The following ENAH variants were observed in gnomAD, a reference collection of about 807,000 sequenced individuals.
The protein encoded by ENAH is protein enabled homolog.
Under a neutral mutation model 78.7 loss-of-function variants are expected in ENAH, and 23 were observed. That is an observed-to-expected ratio of 0.29 (90% confidence interval 0.21 to 0.41). The LOEUF is 0.41. Among genes scored for constraint, ENAH ranks in the 10% least tolerant of loss-of-function variants. The pLI, the probability that ENAH is intolerant of heterozygous loss-of-function variation, is 1.00. For synonymous variants in ENAH, 226 were observed against 241.0 expected, an observed-to-expected ratio of 0.94 and a Z score of 0.58; for missense variants, 544 against 691.0, an observed-to-expected ratio of 0.79 and a Z score of 2.39.
chr1:225,592,630 T>C (rs2096882457), intron 1 of ENAH, among the ~76,000 whole-genome samples: 1 of 152,242 alleles, frequency 6.6e-6, no homozygotes, highest in African/African-American at 2.4e-5. Context: ...TATATTTTAG[T>C]ATTTGGATTA....
At chr1:225,561,612 T>A (rs925922628) in intron 2 of ENAH, among the ~76,000 whole-genome samples, 1 of 18,536 alleles carries the variant, frequency 5.4e-5, no homozygotes, top group East Asian at 2.6e-3. Context: ...CAGAGTGAGA[T>A]TCCGTCTTAA....
At chr1:225,581,340 T>TA in intron 1 of ENAH, 1 of 968,222 alleles carries the variant, frequency 1.0e-6, no homozygotes, top group Non-Finnish European at 1.2e-6. Flanking sequence ...ACCGTAGAGT[T>TA]AAAAATATCA....
At chr1:225,527,930 A>G (rs533312715) in intron 4 of ENAH, among the ~76,000 whole-genome samples, 23 of 152,162 alleles carry the variant, frequency 1.5e-4, no homozygotes, top group Admixed American at 9.8e-4. Flanking sequence ...CAACTCAACA[A>G]CCTTCCTAGG....
intron 2 of ENAH, among the ~76,000 whole-genome samples, chr1:225,561,026 G>C (rs549666582): frequency 1.3e-5 from 2 of 152,182 alleles, no homozygotes; most frequent in East Asian, 3.9e-4. Flanking sequence ...ACGATGTCAG[G>C]AGATTGAGAC....
At chr1:225,645,844 T>C (rs1210858621) in intron 1 of ENAH, among the ~76,000 whole-genome samples, 3 of 152,106 alleles carry the variant, frequency 2.0e-5, no homozygotes, top group Non-Finnish European at 4.4e-5. Context: ...CAAACTAGAG[T>C]CAAACCCAGA....
intron 1 of ENAH, among the ~76,000 whole-genome samples, chr1:225,586,987 A>G (rs890799068): frequency 1.3e-5 from 2 of 152,216 alleles, no homozygotes; most frequent in African/African-American, 2.4e-5. Flanking sequence ...AAGCAGGGAT[A>G]AAATGCAACA....
chr1:225,568,872 A>G (rs575837764), intron 1 of ENAH, among the ~76,000 whole-genome samples: 1 of 152,310 alleles, frequency 6.6e-6, no homozygotes, highest in East Asian at 1.9e-4. Flanking sequence ...ATTATTTGTA[A>G]TTTTCCATTA....
chr1:225,636,340 T>C (rs1660058560), intron 1 of ENAH, among the ~76,000 whole-genome samples: 1 of 152,202 alleles, frequency 6.6e-6, no homozygotes, highest in African/African-American at 2.4e-5. Flanking sequence ...GTGACAAGAT[T>C]CTTATTTTGT....
intron 2 of ENAH, among the ~76,000 whole-genome samples, chr1:225,557,197 T>A (rs775838958): frequency 1.3e-5 from 2 of 152,216 alleles, no homozygotes; most frequent in African/African-American, 2.4e-5. Flanking sequence ...GCATGAAAGC[T>A]AACATATCAA....
At chr1:225,646,662 G>A (rs767349822) in intron 1 of ENAH, among the ~76,000 whole-genome samples, 5 of 151,804 alleles carry the variant, frequency 3.3e-5, no homozygotes, top group African/African-American at 4.8e-5. Flanking sequence ...GGTGGCAGGC[G>A]CCTGTGGTCC....
chr1:225,517,737 T>G, intron 5 of ENAH: 1 of 1,551,144 alleles, frequency 6.4e-7, no homozygotes, highest in East Asian at 2.4e-5. Flanking sequence ...GACGAGGAAC[T>G]GTAGCGTAAT....
intron 11 of ENAH, among the ~76,000 whole-genome samples, chr1:225,504,609 A>G (rs1330327376): frequency 2.0e-5 from 3 of 152,244 alleles, no homozygotes; most frequent in African/African-American, 7.2e-5. Flanking sequence ...TTTTCCTCAA[A>G]TAATCAATTA....
rs1178091058 is a variant in ENAH at position 225,652,816 on chromosome 1, T to C, written c.-126A>G. The C allele has an allele frequency of 3.8e-6, 3 of 782,444 alleles. No individual in the cohort carries two copies. The highest frequency in any genetic ancestry group is 5.3e-6 in the Non-Finnish European group (3 of 568,566). The allele number at this position is 782,444 out of a possible 1,614,324, so 48.5% of individuals were successfully genotyped here. ...CGGGAGACAAGTGTCCGGCTCCTCC[T>C]TCGGCGGCCAGGGGGCTACACCATC... On this transcript the variant is annotated 5_prime_UTR_variant, in exon 1 of 14. Transcript: ENST00000366843.
chr1:225,527,344 A>T (rs79222814), intron 4 of ENAH, among the ~76,000 whole-genome samples: 4,889 of 152,302 alleles, frequency 0.032, 112 homozygotes, highest in Non-Finnish European at 0.046. Context: ...AATGATTTTT[A>T]TATAAATAAC....
intron 1 of ENAH, among the ~76,000 whole-genome samples, chr1:225,644,199 T>G (rs555175760): frequency 6.6e-6 from 1 of 152,244 alleles, no homozygotes; most frequent in South Asian, 2.1e-4. Context: ...ATACTTTCCA[T>G]ACCTTCTAAA....
intron 2 of ENAH, among the ~76,000 whole-genome samples, chr1:225,561,439 T>G (rs2096705141): frequency 6.7e-6 from 1 of 149,838 alleles, no homozygotes; most frequent in African/African-American, 2.4e-5. Context: ...CTGGCCAACA[T>G]GGTGAAACCC....
chr1:225,523,416 A>G (rs992020888), intron 4 of ENAH, among the ~76,000 whole-genome samples: 1 of 151,964 alleles, frequency 6.6e-6, no homozygotes, highest in African/African-American at 2.4e-5. Flanking sequence ...ATGTCATCAT[A>G]TTCCAGGGTT....
chr1:225,622,895 G>A (rs570892399), intron 1 of ENAH, among the ~76,000 whole-genome samples: 12 of 152,260 alleles, frequency 7.9e-5, no homozygotes, highest in Non-Finnish European at 1.6e-4. Context: ...TAACTCGAAG[G>A]ATGGATTTCA....
chr1:225,641,087 T>C (rs559704916), intron 1 of ENAH, among the ~76,000 whole-genome samples: 22 of 151,876 alleles, frequency 1.4e-4, no homozygotes, highest in African/African-American at 5.1e-4. Flanking sequence ...ATGGTCTCAA[T>C]ATCCTGACCT....
Sources: allele counts gnomAD v4.1 joint callset (sites outside exome capture counted in the v4.1 genomes callset), GRCh38; gene constraint gnomAD v4.1.1; transcripts MANE v1.5; gene names NCBI Gene and HGNC (gene_info 2026-07-23, HGNC 2026-07-21).